Variants in KCNK5 observed in about 807,000 individuals in gnomAD.
KCNK5 encodes potassium two pore domain channel subfamily K member 5, also known as potassium channel subfamily K member 5.
A neutral mutation model predicts 32.9 loss-of-function variants in KCNK5; 18 were observed. The observed-to-expected ratio is 0.55, with a 90% CI of 0.38 to 0.81. The LOEUF (loss-of-function observed/expected upper bound fraction) is 0.81. Among genes scored for constraint, KCNK5 ranks in the 30% least tolerant of loss-of-function variants. The pLI is 0.00. For synonymous variants in KCNK5, 276 were observed against 275.3 expected, an observed-to-expected ratio of 1.00 and a Z score of -0.03; for missense variants, 507 against 651.0, an observed-to-expected ratio of 0.78 and a Z score of 2.41.
intron 1 of KCNK5, among the ~76,000 whole-genome samples, chr6:39,226,420 T>A: frequency 6.6e-6 from 1 of 152,164 alleles, no homozygotes; most frequent in East Asian, 1.9e-4. Context: ...CTAAAGAAAG[T>A]TGACTTAACT....
Position 39,191,278 on chromosome 6 carries a change from G to A in KCNK5, c.1112C>T (p.Ser371Phe). 1 of 1,614,106 alleles carries A rather than the reference G, an allele frequency of 6.2e-7. No individual in the cohort carries two copies. Among genetic ancestry groups the A allele is most frequent in the Non-Finnish European group, 8.5e-7 (1 of 1,180,030 alleles). The change falls in exon 5 of 5, where the codon TCC (serine) becomes TTC (phenylalanine). Residue 371 changes from serine (S) to phenylalanine (F), a missense_variant. Physicochemically the swap from Ser to Phe is radical, Grantham distance 155 (BLOSUM62 -2). Around this residue, in one of 6 missense-constraint regions of KCNK5, gnomAD observed 252 missense variants for 250.8 expected, o/e 1.00. Transcript: ENST00000359534. This position sits in a 1 kb window ranked among gnomAD's most constrained non-coding sequence, Gnocchi z 5.8. Reference sequence around the variant, plus strand: ...CCGTGCCACAGCCTCCTCATCTGGGGACCTTGATACGTGGCCTTTGCTCCT... The same window carrying A: ...CCGTGCCACAGCCTCCTCATCTGGGAACCTTGATACGTGGCCTTTGCTCCT... ...TLRSKGHVSR[S>F]PDEEAVARAP...
chr6:39,212,999 T>C (rs1771368449), intron 1 of KCNK5, among the ~76,000 whole-genome samples: 1 of 152,178 alleles, frequency 6.6e-6, no homozygotes, highest in African/African-American at 2.4e-5. Context: ...CCAATCCAGG[T>C]TGGTATCCTT....
At chr6:39,220,560 C>T (rs567311365) in intron 1 of KCNK5, among the ~76,000 whole-genome samples, 13 of 152,234 alleles carry the variant, frequency 8.5e-5, no homozygotes, top group African/African-American at 3.1e-4. Flanking sequence ...CAGAGCCCTG[C>T]TAGAAGAGAG....
Position 39,194,344 on chromosome 6 carries a change from G to A in KCNK5, c.466-7C>T, listed in dbSNP as rs1207667987. 3.1e-6 allele frequency: 5 copies of A among 1,593,204 alleles called. No individual in the cohort carries two copies. Among genetic ancestry groups the A allele is most frequent in the Non-Finnish European group, 4.3e-6 (5 of 1,168,456 alleles). On this transcript the variant is annotated splice_region_variant and splice_polypyrimidine_tract_variant and intron_variant, in intron 3 of 4. Coordinates refer to ENST00000359534, the MANE Select transcript of KCNK5 (RefSeq NM_003740.4). This position sits in a 1 kb window ranked among gnomAD's most constrained non-coding sequence, Gnocchi z 4.7. ...ACGTGATCTGCGCCTTCCGCTGATG[G>A]GGAGCAGGAGGCCAAGTCAGAGAAT...
chr6:39,220,265 T>C (rs1771521325), intron 1 of KCNK5, among the ~76,000 whole-genome samples: 3 of 152,176 alleles, frequency 2.0e-5, no homozygotes, highest in Non-Finnish European at 4.4e-5. Flanking sequence ...TGCAGCCAGA[T>C]TACAGTGGGG....
At chr6:39,223,795 C>T (rs1428819942) in intron 1 of KCNK5, among the ~76,000 whole-genome samples, 1 of 152,188 alleles carries the variant, frequency 6.6e-6, no homozygotes, top group Non-Finnish European at 1.5e-5. Context: ...TCAGGGCCAG[C>T]CAAGCACAGC....
chr6:39,216,351 T>C (rs146975538), intron 1 of KCNK5, among the ~76,000 whole-genome samples: 127 of 152,212 alleles, frequency 8.3e-4, no homozygotes, highest in African/African-American at 2.9e-3. Context: ...AAAACAGCAG[T>C]ACTTTGGTGT....
In KCNK5 at chr6:39,228,933, A is replaced by G. The variant is rs763329001; in HGVS notation, c.179T>C (p.Ile60Thr). 6.2e-6 allele frequency: 10 copies of G among 1,614,096 alleles called. No individual in the cohort carries two copies. The highest frequency in any genetic ancestry group is 5.9e-6 in the Non-Finnish European group (7 of 1,179,990). The change falls in exon 1 of 5, where the codon ATC becomes ACC. Residue 60 changes from isoleucine (I) to threonine (T), a missense_variant. Physicochemically the swap from Ile to Thr is moderately conservative, Grantham distance 89. Around this residue, in one of 6 missense-constraint regions of KCNK5, gnomAD observed 143 missense variants for 219.1 expected, o/e 0.65. Coordinates refer to ENST00000359534, the MANE Select transcript of KCNK5 (RefSeq NM_003740.4). ...PCLGQEGLDK[I>T]LEVVSDAAGQ... Reference sequence around the variant, plus strand: ...GTACAGGCGGCGACTGACCTCTAGGATCTTGTCCAGGCCCTCCTGACCCAG... The same window carrying G: ...GTACAGGCGGCGACTGACCTCTAGGGTCTTGTCCAGGCCCTCCTGACCCAG...
At chr6:39,212,335 C>G (rs183409590) in intron 1 of KCNK5, among the ~76,000 whole-genome samples, 51 of 152,266 alleles carry the variant, frequency 3.3e-4, no homozygotes, top group African/African-American at 1.2e-3. Context: ...AATATCAAGT[C>G]AAAAAGGTAA....
chr6:39,219,572 C>T (rs965692275), intron 1 of KCNK5, among the ~76,000 whole-genome samples: 2 of 152,144 alleles, frequency 1.3e-5, no homozygotes, highest in Admixed American at 1.3e-4. Flanking sequence ...AATAATGGCA[C>T]CCCTACCCCT....
At chr6:39,197,563 G>T (rs1771052081) in intron 1 of KCNK5, among the ~76,000 whole-genome samples, 1 of 152,224 alleles carries the variant, frequency 6.6e-6, no homozygotes. Flanking sequence ...AATGTGAAAT[G>T]GCTAAAGGAC....
In KCNK5 at chr6:39,200,968, G is replaced by A. The variant is rs147090603; in HGVS notation, c.187-4981C>T. 1.7e-3 allele frequency among the ~76,000 whole-genome samples: 258 copies of A among 152,298 alleles called. 3 individuals carry two copies. Among genetic ancestry groups the A allele is most frequent in the African/African-American group, 5.9e-3 (245 of 41,572 alleles). The stretch of plus-strand genomic sequence containing the variant: ...GGTGGGGGCTTCCCCTTTACGGGGT[G>A]GGGTAAGGGAAACCAAAGTCAAGAT... On this transcript the variant is annotated intron_variant, in intron 1 of 4. Transcript: ENST00000359534.
rs757244383 is a variant in KCNK5 at position 39,191,286 on chromosome 6, T to C, written c.1104A>G (p.Val368=). Residue 368 remains valine, a synonymous_variant, in exon 5 of 5, where the codon GTA becomes GTG. Coordinates refer to ENST00000359534, the MANE Select transcript of KCNK5 (RefSeq NM_003740.4). This position sits in a 1 kb window ranked among gnomAD's most constrained non-coding sequence, Gnocchi z 5.8. ...VSQTLRSKGH[V]SRSPDEEAVA... The stretch of plus-strand genomic sequence containing the variant: ...CAGCCTCCTCATCTGGGGACCTTGA[T>C]ACGTGGCCTTTGCTCCTCAGTGTCT... 3.1e-6 allele frequency: 5 copies of C among 1,614,064 alleles called. No homozygotes were observed. Among genetic ancestry groups the C allele is most frequent in the Middle Eastern group, 1.6e-4 (1 of 6,062 alleles).
intron 1 of KCNK5, among the ~76,000 whole-genome samples, chr6:39,217,179 A>AG (rs1206833493): frequency 6.7e-6 from 1 of 148,612 alleles, no homozygotes; most frequent in Admixed American, 6.7e-5. Context: ...ATTAGTGTGC[A>AG]GGGGTGTGGA....
At chr6:39,215,127 T>C (rs1771409301) in intron 1 of KCNK5, among the ~76,000 whole-genome samples, 1 of 152,152 alleles carries the variant, frequency 6.6e-6, no homozygotes, top group African/African-American at 2.4e-5. Flanking sequence ...CTCTGGGCCA[T>C]GCATTTGGGT....
chr6:39,224,234 G>A (rs1019032848), intron 1 of KCNK5, among the ~76,000 whole-genome samples: 13 of 152,042 alleles, frequency 8.6e-5, no homozygotes, highest in Non-Finnish European at 1.0e-4. Context: ...ACTCAAGCTC[G>A]GACCCAAGGC....
chr6:39,195,840 T>TGGA, intron 2 of KCNK5, 36 bp downstream of exon 2: 5 of 1,511,394 alleles, frequency 3.3e-6, no homozygotes, highest in Non-Finnish European at 4.6e-6. Flanking sequence ...AGCTAGGGCA[T>TGGA]GGATGTGGGT....
chr6:39,194,731 C>T lies in KCNK5; in HGVS notation c.328G>A (p.Ala110Thr), dbSNP rs201284548. ...GYGNVAPKTP[A>T]GRLFCVFYGL... The stretch of plus-strand genomic sequence containing the variant: ...TAGAAAACACAGAAGAGGCGACCGG[C>T]GGGGGTCTTGGGAGCCACATTGCCA... Residue 110 changes from alanine to threonine, a missense_variant, in exon 3 of 5, where the codon GCC becomes ACC. By Grantham distance (58) the Ala-to-Thr change is moderately conservative. This residue lies in a region of KCNK5 where 143 missense variants were observed against 219.1 expected (regional missense o/e 0.65). Transcript: ENST00000359534. The surrounding 1 kb of genome is among the most constrained non-coding windows in gnomAD (Gnocchi z 4.7). 14 of 1,614,002 alleles carry T rather than the reference C, an allele frequency of 8.7e-6. No individual in the cohort carries two copies. Among genetic ancestry groups the T allele is most frequent in the African/African-American group, 2.7e-5 (2 of 75,008 alleles).
intron 4 of KCNK5, among the ~76,000 whole-genome samples, chr6:39,193,299 G>T (rs1305919221): frequency 6.6e-6 from 1 of 152,222 alleles, no homozygotes; most frequent in Non-Finnish European, 1.5e-5. Context: ...ACTTGGCAGG[G>T]TCAGGGGAGT....
Sources: allele counts gnomAD v4.1 joint callset (sites outside exome capture counted in the v4.1 genomes callset), GRCh38; gene constraint gnomAD v4.1.1; regional missense constraint gnomAD v4.1.1; non-coding constraint Gnocchi (gnomAD v3.1); transcripts MANE v1.5; gene names NCBI Gene and HGNC (gene_info 2026-07-23, HGNC 2026-07-21).